Variants in VPS13B observed in about 807,000 individuals in gnomAD.
VPS13B encodes the protein intermembrane lipid transfer protein VPS13B.
VPS13B carries 285 observed loss-of-function variants against 426.4 expected under a neutral mutation model. The observed-to-expected ratio is 0.67, with a 90% confidence interval of 0.61 to 0.74. The LOEUF is 0.74. Ranked by LOEUF, VPS13B falls within the 30% of genes least tolerant of loss-of-function variation. VPS13B has a pLI of 0.00. For synonymous variants in VPS13B, 1,676 were observed against 1,676.4 expected, an observed-to-expected ratio of 1.00 and a Z score of 0.01; for missense variants, 4,537 against 4,782.6, an observed-to-expected ratio of 0.95 and a Z score of 1.51.
At chr8:99,832,704 GT>G in intron 52 of VPS13B, 52 bp downstream of exon 52, 2 of 1,587,348 alleles carry the variant, frequency 1.3e-6, no homozygotes, top group Non-Finnish European at 1.7e-6. Flanking sequence ...CAGTCTAGCT[GT>G]TCATCTAGAT....
chr8:99,821,198 C>A, intron 49 of VPS13B, 96 bp from the exon 50 acceptor site: 2 of 1,099,278 alleles, frequency 1.8e-6, no homozygotes, highest in South Asian at 2.7e-5. Context: ...CCTTAGTAGA[C>A]CTATTATATA....
chr8:99,640,069 A>C (rs7833235), intron 33 of VPS13B, among the ~76,000 whole-genome samples: 1 of 110,784 alleles, frequency 9.0e-6, no homozygotes, highest in Admixed American at 9.5e-5. Flanking sequence ...AAGAAAAGAA[A>C]AGAAAAGAAA....
chr8:99,025,171 G>GT (rs932133722), intron 2 of VPS13B, among the ~76,000 whole-genome samples: 10 of 151,934 alleles, frequency 6.6e-5, no homozygotes, highest in Non-Finnish European at 1.3e-4. Flanking sequence ...AGTTCTAAGA[G>GT]TTTTTTTGAT....
intron 39 of VPS13B, among the ~76,000 whole-genome samples, chr8:99,745,764 A>G (rs1406428059): frequency 6.6e-6 from 1 of 152,062 alleles, no homozygotes; most frequent in Admixed American, 6.6e-5. Context: ...ATCTTGTCCT[A>G]GTTACATCTG....
chr8:99,409,202 G>A (rs1335905859), intron 21 of VPS13B, among the ~76,000 whole-genome samples: 1 of 152,146 alleles, frequency 6.6e-6, no homozygotes, highest in Non-Finnish European at 1.5e-5. Flanking sequence ...TGGCAGAATG[G>A]AGGAGATTGC....
chr8:99,365,622 T>G (rs144274658), intron 19 of VPS13B, among the ~76,000 whole-genome samples: 3,041 of 150,068 alleles, frequency 0.02, 112 homozygotes, highest in African/African-American at 0.071. Context: ...GTTCAAGCGA[T>G]TCTTCTCCCT....
chr8:99,105,536 G>T (rs576392524), intron 5 of VPS13B, among the ~76,000 whole-genome samples: 58 of 152,144 alleles, frequency 3.8e-4, no homozygotes, highest in African/African-American at 1.4e-3. Flanking sequence ...CTGCCAGCAT[G>T]CCTGGCTAAT....
At chr8:99,202,847 G>A (rs182820924) in intron 17 of VPS13B, among the ~76,000 whole-genome samples, 1 of 151,922 alleles carries the variant, frequency 6.6e-6, no homozygotes, top group Admixed American at 6.6e-5. Context: ...GGCTAACACG[G>A]TGAAACCCTG....
rs144603951 is a variant in VPS13B at position 99,876,409 on chromosome 8, T to C, written c.*743T>C. 1 of 152,358 alleles carries C rather than the reference T, an allele frequency of 6.6e-6. No individual in the cohort carries two copies. The highest frequency in any genetic ancestry group is 1.5e-5 in the Non-Finnish European group (1 of 68,146). 9.4% of individuals were successfully genotyped at this position (152,358 alleles called of 1,614,324 possible). A position where few individuals can be genotyped will look rare whatever the true frequency, so the allele number is the denominator to read the frequency against. On this transcript the variant is annotated 3_prime_UTR_variant, in exon 62 of 62. Coordinates refer to ENST00000357162, the MANE Select transcript of VPS13B (RefSeq NM_152564.5). Reference sequence around the variant, plus strand: ...GTCCAGGTACATTTTAGAAAAAGTGTTCTTCTTCCAGTTTGTTTTACTAAG... The same window carrying C: ...GTCCAGGTACATTTTAGAAAAAGTGCTCTTCTTCCAGTTTGTTTTACTAAG...
intron 15 of VPS13B, among the ~76,000 whole-genome samples, chr8:99,163,652 C>T (rs561494602): frequency 2.0e-5 from 3 of 152,350 alleles, no homozygotes; most frequent in Admixed American, 2.0e-4. Context: ...GTGCTAAGTC[C>T]CTCATTGCCC....
At chr8:99,222,407 A>G (rs1815775562) in intron 17 of VPS13B, among the ~76,000 whole-genome samples, 1 of 152,142 alleles carries the variant, frequency 6.6e-6, no homozygotes, top group Non-Finnish European at 1.5e-5. Flanking sequence ...TACATTTTTC[A>G]TGTTTTGGTT....
intron 3 of VPS13B, among the ~76,000 whole-genome samples, chr8:99,048,751 G>T (rs60039299): frequency 0.012 from 1,792 of 151,154 alleles, 32 homozygotes; most frequent in African/African-American, 0.041. Flanking sequence ...GGAGGCGGAG[G>T]TTGCTGTGAG....
intron 2 of VPS13B, among the ~76,000 whole-genome samples, chr8:99,030,394 TCTG>T (rs1842455653): frequency 6.6e-6 from 1 of 152,048 alleles, no homozygotes; most frequent in African/African-American, 2.4e-5. Flanking sequence ...CTGGTTTCCT[TCTG>T]CTTCCCAAAG....
At chr8:99,502,776 G>C in intron 26 of VPS13B, 60 bp from the exon 27 acceptor site, 1 of 1,272,230 alleles carries the variant, frequency 7.9e-7, no homozygotes, top group Non-Finnish European at 1.1e-6. Context: ...ATGTAAAATA[G>C]AAAGTTTTAA....
At position 99,853,618 on chromosome 8, in the gene VPS13B, C is replaced by G. The variant is rs1171477615; in HGVS notation, c.10229C>G (p.Pro3410Arg). The G allele has an allele frequency of 1.2e-6, 2 of 1,614,040 alleles. No individual in the cohort carries two copies. Among genetic ancestry groups the G allele is most frequent in the Non-Finnish European group, 1.7e-6 (2 of 1,180,034 alleles). Residue 3410 changes from proline to arginine, a missense_variant, in exon 56 of 62, where the codon CCT becomes CGT. Around this residue, in one of 2 missense-constraint regions of VPS13B, gnomAD observed 4,311 missense variants for 4,474.3 expected, o/e 0.96. Transcript: ENST00000357162. ...GCTGGTCCCCTCCCTGGGGAAGAGC[C>G]TGTGGCTGCGTTGTTTGAACTTTAC... ...PGAGPLPGEE[P>R]VAALFELYCV...
intron 7 of VPS13B, 22 bp downstream of exon 7, chr8:99,115,896 C>T: frequency 6.2e-7 from 1 of 1,606,118 alleles, no homozygotes; most frequent in Non-Finnish European, 8.5e-7. Flanking sequence ...CTTTATTAAA[C>T]AAAAACTTTA....
intron 34 of VPS13B, among the ~76,000 whole-genome samples, chr8:99,648,118 A>G (rs1829666878): frequency 6.6e-6 from 1 of 152,198 alleles, no homozygotes; most frequent in African/African-American, 2.4e-5. Flanking sequence ...TACAGCAGAC[A>G]TATTTTGGGA....
intron 39 of VPS13B, among the ~76,000 whole-genome samples, chr8:99,747,480 A>G (rs1385145163): frequency 6.6e-6 from 1 of 152,112 alleles, no homozygotes; most frequent in Non-Finnish European, 1.5e-5. Context: ...GACCTGTGCC[A>G]GATTGTACCT....
intron 6 of VPS13B, among the ~76,000 whole-genome samples, chr8:99,112,340 G>A (rs1847408259): frequency 6.6e-6 from 1 of 152,086 alleles, no homozygotes; most frequent in Admixed American, 6.5e-5. Context: ...TACTGTTCCT[G>A]TTTGAGTATG....
Sources: gnomAD v4.1 joint callset for allele counts (sites outside exome capture counted in the v4.1 genomes callset) on GRCh38, gnomAD v4.1.1 for gene constraint, gnomAD v4.1.1 regional missense constraint, MANE v1.5 for transcripts, NCBI Gene and HGNC (gene_info 2026-07-23, HGNC 2026-07-21) for gene names.